Variants in ERC2 observed in about 807,000 individuals in gnomAD.
ERC2 encodes the protein ERC protein 2.
ERC2 carries 42 observed loss-of-function variants against 114.8 expected under a neutral mutation model. That is an observed-to-expected ratio of 0.37 (90% confidence interval 0.29 to 0.47). ERC2 has a LOEUF of 0.47. Ranked by LOEUF, ERC2 falls within the 20% of genes least tolerant of loss-of-function variation. ERC2 has a pLI of 0.99. For missense variants in ERC2, 939 were observed against 1,150.7 expected (o/e 0.82, Z 2.66); for synonymous variants, 454 against 425.5 (o/e 1.07, Z -0.82).
intron 14 of ERC2, among the ~76,000 whole-genome samples, chr3:55,847,936 C>A (rs1410284871): frequency 6.6e-6 from 1 of 151,986 alleles, no homozygotes; most frequent in African/African-American, 2.4e-5. Flanking sequence ...TCAGCTGTAA[C>A]CACAGATGTG....
intron 17 of ERC2, among the ~76,000 whole-genome samples, chr3:55,546,705 G>A (rs2054777521): frequency 6.6e-6 from 1 of 152,224 alleles, no homozygotes; most frequent in South Asian, 2.1e-4. Flanking sequence ...GTTCGGTGAG[G>A]GTAGGGAACT....
chr3:56,234,271 G>A (rs1330177387), intron 3 of ERC2, among the ~76,000 whole-genome samples: 1 of 152,144 alleles, frequency 6.6e-6, no homozygotes, highest in Non-Finnish European at 1.5e-5. Flanking sequence ...GTACATCTCA[G>A]ATGATTCACT....
chr3:55,807,045 A>G (rs1311059780), intron 14 of ERC2, among the ~76,000 whole-genome samples: 2 of 152,218 alleles, frequency 1.3e-5, no homozygotes, highest in Admixed American at 1.3e-4. Flanking sequence ...AGCTCCAAGA[A>G]GGATCATCTA....
At chr3:55,663,668 C>T (rs1227123076) in intron 17 of ERC2, among the ~76,000 whole-genome samples, 1 of 152,212 alleles carries the variant, frequency 6.6e-6, no homozygotes, top group African/African-American at 2.4e-5. Context: ...AAAATGCCTT[C>T]TTCAAGGCCC....
At position 55,688,270 on chromosome 3, in the gene ERC2, T is replaced by G. The variant is rs570220470; in HGVS notation, c.2848-4411A>C. On this transcript the variant is annotated intron_variant, in intron 16 of 17. Coordinates refer to ENST00000288221, the MANE Select transcript of ERC2 (RefSeq NM_015576.3). ...ACCTCCTCCAGGTTAGAAAGAGTGC[T>G]GACGGCTTCTGTGTTTCCTCCCTGA... 2.0e-4 allele frequency among the ~76,000 whole-genome samples: 30 copies of G among 152,284 alleles called. No individual in the cohort carries two copies. The East Asian group carries it at 5.8e-3, about 29-fold the overall frequency.
intron 17 of ERC2, among the ~76,000 whole-genome samples, chr3:55,546,301 G>A (rs2054747927): frequency 6.6e-6 from 1 of 152,144 alleles, no homozygotes; most frequent in African/African-American, 2.4e-5. Flanking sequence ...CCCTCCTCCG[G>A]GAGCACTGTC....
intron 7 of ERC2, among the ~76,000 whole-genome samples, chr3:56,027,360 G>C (rs539816168): frequency 6.6e-6 from 1 of 152,276 alleles, no homozygotes; most frequent in East Asian, 1.9e-4. Flanking sequence ...TGGGTTGAAT[G>C]GAAGTTGTAA....
At chr3:55,914,056 C>A (rs972479381) in intron 13 of ERC2, among the ~76,000 whole-genome samples, 1 of 151,902 alleles carries the variant, frequency 6.6e-6, no homozygotes, top group Admixed American at 6.6e-5. Context: ...CCCAGCTGAA[C>A]CAGGAGTGAG....
chr3:56,332,127 A>G (rs1008457504), intron 2 of ERC2, among the ~76,000 whole-genome samples: 1 of 93,456 alleles, frequency 1.1e-5, no homozygotes, highest in African/African-American at 3.4e-5. Flanking sequence ...AAGACTTCCT[A>G]TTTTTCACAC....
intron 17 of ERC2, among the ~76,000 whole-genome samples, chr3:55,529,552 G>A (rs1192463874): frequency 6.6e-6 from 1 of 152,136 alleles, no homozygotes. Context: ...ATGTCCACCA[G>A]GATCCTAAGC....
chr3:56,452,783 A>G (rs2062878310), intron 1 of ERC2, among the ~76,000 whole-genome samples: 1 of 152,336 alleles, frequency 6.6e-6, no homozygotes, highest in African/African-American at 2.4e-5. Context: ...TCTGAGTAAC[A>G]ATGGCCTCAA....
chr3:56,170,601 T>TTTTTG (rs2082599611), intron 4 of ERC2, among the ~76,000 whole-genome samples: 1 of 143,510 alleles, frequency 7.0e-6, no homozygotes, highest in Non-Finnish European at 1.5e-5. Context: ...TTTTTTTTTT[T>TTTTTG]TTTTTTTTTT....
rs868796759 is a variant in ERC2, at chr3:56,416,605, C to T, written c.657+17746G>A. Among the ~76,000 whole-genome samples the T allele has an allele frequency of 2.0e-5, 3 of 150,808 alleles. No homozygotes were observed. The South Asian group carries it at 6.3e-4, about 32-fold the overall frequency. On this transcript the variant is annotated intron_variant, in intron 2 of 17. Coordinates refer to ENST00000288221, the MANE Select transcript of ERC2 (RefSeq NM_015576.3). ...CGCAAATTCCACCAAACCCACCTCC[C>T]TACTCAACAACACCACTTGGATAAA...
chr3:55,737,699 G>A (rs932395125), intron 14 of ERC2, among the ~76,000 whole-genome samples: 1 of 152,134 alleles, frequency 6.6e-6, no homozygotes, highest in African/African-American at 2.4e-5. Flanking sequence ...AAAAACCTTA[G>A]TGATGTGAAA....
intron 17 of ERC2, among the ~76,000 whole-genome samples, chr3:55,511,822 C>T (rs2052088822): frequency 6.6e-6 from 1 of 152,168 alleles, no homozygotes; most frequent in Admixed American, 6.5e-5. Flanking sequence ...AGAAGCACCC[C>T]AAGGTTTCTC....
intron 1 of ERC2, among the ~76,000 whole-genome samples, chr3:56,437,333 G>A (rs1168059065): frequency 6.6e-6 from 1 of 152,244 alleles, no homozygotes; most frequent in African/African-American, 2.4e-5. Flanking sequence ...CCACTGCCCA[G>A]CGGGGCATGA....
At position 55,875,503 on chromosome 3, in the gene ERC2, CA is replaced by C. The variant is rs2062786892; in HGVS notation, c.2564+12885del. Among the ~76,000 whole-genome samples the C allele has an allele frequency of 4.6e-5, 7 of 152,186 alleles. 1 individual carries two copies. In the South Asian group the frequency reaches 1.4e-3, roughly 31 times the overall value. On this transcript the variant is annotated intron_variant, in intron 14 of 17. Transcript: ENST00000288221. ...GTCAAACACTGCATTTCAATTTTCA[CA>C]ATCTGTTGGTTCCCAAATTCCGTGA...
intron 7 of ERC2, among the ~76,000 whole-genome samples, chr3:56,065,919 A>G (rs781607377): frequency 5.3e-5 from 8 of 152,090 alleles, no homozygotes; most frequent in Non-Finnish European, 1.0e-4. Flanking sequence ...TGGTGTATAT[A>G]TACCACATTT....
chr3:56,327,693 A>G (rs748474316), intron 2 of ERC2, among the ~76,000 whole-genome samples: 15 of 152,066 alleles, frequency 9.9e-5, no homozygotes, highest in Non-Finnish European at 1.9e-4. Context: ...CAATCAATCA[A>G]TATCACACCA....
Sources: gnomAD v4.1 joint callset for allele counts (sites outside exome capture counted in the v4.1 genomes callset) on GRCh38, gnomAD v4.1.1 for gene constraint, MANE v1.5 for transcripts, NCBI Gene and HGNC (gene_info 2026-07-23, HGNC 2026-07-21) for gene names.